The following PARD3B variants were observed in gnomAD, a reference collection of about 807,000 sequenced individuals.
PARD3B encodes par-3 family cell polarity regulator beta.
Under a neutral mutation model 130.2 loss-of-function variants are expected in PARD3B, and 103 were observed. That is an observed-to-expected ratio of 0.79 (90% CI 0.67 to 0.93). The LOEUF is 0.93. PARD3B is among the 40% of genes least tolerant of loss of function. PARD3B has a pLI of 0.00. For missense variants in PARD3B, 1,609 were observed against 1,499.2 expected, an observed-to-expected ratio of 1.07 and a Z score of -1.21; for synonymous variants, 583 against 553.2, an observed-to-expected ratio of 1.05 and a Z score of -0.76.
chr2:204,638,697 G>A (rs999071369), intron 1 of PARD3B, among the ~76,000 whole-genome samples: 2 of 151,952 alleles, frequency 1.3e-5, no homozygotes, highest in Non-Finnish European at 2.9e-5. Flanking sequence ...GGAGGAGGGG[G>A]ACTTCAAATG....
At chr2:205,028,495 A>G (rs1697191229) in intron 3 of PARD3B, among the ~76,000 whole-genome samples, 1 of 152,140 alleles carries the variant, frequency 6.6e-6, no homozygotes, top group Non-Finnish European at 1.5e-5. Context: ...TATAATACTC[A>G]ACATGAAAAG....
At chr2:205,184,747 T>A (rs1048812757) in intron 13 of PARD3B, among the ~76,000 whole-genome samples, 3 of 150,616 alleles carry the variant, frequency 2.0e-5, no homozygotes, top group Admixed American at 6.6e-5. Context: ...ATCTCAAAAA[T>A]AATAATAATA....
chr2:204,917,565 C>G (rs939851358), intron 2 of PARD3B, among the ~76,000 whole-genome samples: 1 of 152,136 alleles, frequency 6.6e-6, no homozygotes, highest in South Asian at 2.1e-4. Context: ...TCGTTTGGGA[C>G]ATCTTGAGAA....
chr2:205,595,941 A>T (rs1056900659), intron 22 of PARD3B, among the ~76,000 whole-genome samples: 1 of 152,028 alleles, frequency 6.6e-6, no homozygotes, highest in African/African-American at 2.4e-5. Flanking sequence ...AAAAAAGAAG[A>T]AGTAATGATG....
chr2:205,202,930 A>G (rs1411330221), intron 15 of PARD3B, among the ~76,000 whole-genome samples: 1 of 152,164 alleles, frequency 6.6e-6, no homozygotes, highest in African/African-American at 2.4e-5. Flanking sequence ...GCTGGGAGAA[A>G]AGTTAACCTG....
chr2:204,613,003 A>G (rs1043152659), intron 1 of PARD3B, among the ~76,000 whole-genome samples: 1 of 152,140 alleles, frequency 6.6e-6, no homozygotes, highest in Non-Finnish European at 1.5e-5. Flanking sequence ...TAGTATGATG[A>G]TAAAATATTG....
intron 2 of PARD3B, among the ~76,000 whole-genome samples, chr2:204,709,573 G>A (rs2038338126): frequency 6.6e-6 from 1 of 152,172 alleles, no homozygotes; most frequent in Non-Finnish European, 1.5e-5. Context: ...GTCAGCTGCT[G>A]TTGAACACAG....
At chr2:205,484,717 C>T (rs2049371423) in intron 20 of PARD3B, among the ~76,000 whole-genome samples, 1 of 151,952 alleles carries the variant, frequency 6.6e-6, no homozygotes, top group Non-Finnish European at 1.5e-5. Context: ...TGCTTTACCT[C>T]AGTATGATAT....
At chr2:205,450,843 G>A (rs1390474558) in intron 20 of PARD3B, among the ~76,000 whole-genome samples, 2 of 152,154 alleles carry the variant, frequency 1.3e-5, no homozygotes, top group Non-Finnish European at 2.9e-5. Flanking sequence ...ATTACACACT[G>A]AGCTACTTTG....
At chr2:205,209,320 C>T (rs954377538) in intron 15 of PARD3B, among the ~76,000 whole-genome samples, 26 of 151,792 alleles carry the variant, frequency 1.7e-4, no homozygotes, top group African/African-American at 6.3e-4. Context: ...GCAAGGACTT[C>T]ATGTCTAAAA....
chr2:205,478,370 A>G (rs6719523), intron 20 of PARD3B, among the ~76,000 whole-genome samples: 21,109 of 152,192 alleles, frequency 0.14, 2,743 homozygotes, highest in African/African-American at 0.35. Context: ...TTCAAAATGT[A>G]GGTTGTTGAA....
chr2:205,487,098 C>T (rs2049474247), intron 20 of PARD3B, among the ~76,000 whole-genome samples: 1 of 152,126 alleles, frequency 6.6e-6, no homozygotes, highest in Non-Finnish European at 1.5e-5. Flanking sequence ...GGTCACTTAC[C>T]TATGTGACCC....
chr2:205,238,886 GTA>G (rs372313084), intron 15 of PARD3B, among the ~76,000 whole-genome samples: 13,626 of 91,912 alleles, frequency 0.15, 1,113 homozygotes, highest in Non-Finnish European at 0.16. Flanking sequence ...ATGTATGTGT[GTA>G]TATATATATA....
chr2:205,316,776 C>T (rs977319313), intron 18 of PARD3B, among the ~76,000 whole-genome samples: 6 of 152,162 alleles, frequency 3.9e-5, no homozygotes, highest in Admixed American at 1.3e-4. Context: ...CTCTTTCCAA[C>T]AGCATTTCTA....
intron 1 of PARD3B, among the ~76,000 whole-genome samples, chr2:204,612,050 A>T (rs1366537411): frequency 6.6e-6 from 1 of 152,232 alleles, no homozygotes; most frequent in Non-Finnish European, 1.5e-5. Context: ...ATTTCTACAC[A>T]GATGTCATAT....
At chr2:204,727,898 G>A (rs1265519057) in intron 2 of PARD3B, among the ~76,000 whole-genome samples, 3 of 152,150 alleles carry the variant, frequency 2.0e-5, no homozygotes, top group African/African-American at 7.2e-5. Flanking sequence ...AGACCACTCA[G>A]TGGTCAGTGG....
At chr2:205,034,012 C>T (rs973200033) in intron 3 of PARD3B, among the ~76,000 whole-genome samples, 26 of 152,148 alleles carry the variant, frequency 1.7e-4, no homozygotes, top group African/African-American at 6.3e-4. Context: ...TAGTGTGAAT[C>T]GTGTTTATTT....
At chr2:204,826,365 C>T (rs890241061) in intron 2 of PARD3B, among the ~76,000 whole-genome samples, 2 of 152,176 alleles carry the variant, frequency 1.3e-5, no homozygotes, top group Admixed American at 1.3e-4. Flanking sequence ...TTGTTCTTCT[C>T]CAGCACTTGG....
chr2:205,274,246 T>A lies in PARD3B; in HGVS notation c.2186-26284T>A, dbSNP rs2040852977. 6.6e-6 allele frequency among the ~76,000 whole-genome samples: 1 copy of A among 152,138 alleles called. No homozygotes were observed. On this transcript the variant is annotated intron_variant, in intron 16 of 22. Coordinates refer to ENST00000406610, the MANE Select transcript of PARD3B (RefSeq NM_001302769.2). The surrounding 1 kb of genome is among the most constrained non-coding windows in gnomAD (Gnocchi z 4.2). ...ATTCTTTCTACTCTTTATTTCTTTG[T>A]GTGAATAGGCAACATGTTTACCTCC...
Sources: gnomAD v4.1 joint callset for allele counts (sites outside exome capture counted in the v4.1 genomes callset) on GRCh38, gnomAD v4.1.1 for gene constraint, Gnocchi (gnomAD v3.1) non-coding constraint, MANE v1.5 for transcripts, NCBI Gene and HGNC (gene_info 2026-07-23, HGNC 2026-07-21) for gene names.